DNAH9: variants seen among roughly 807,000 people sequenced by gnomAD.
The protein encoded by DNAH9 is DNAH9 variant protein.
DNAH9 carries 345 observed loss-of-function variants against 471.6 expected under a neutral mutation model. That is an observed-to-expected ratio of 0.73 (90% CI 0.67 to 0.80). The LOEUF (loss-of-function observed/expected upper bound fraction) is 0.80, where lower values mean the gene tolerates loss of function less well. Among genes scored for constraint, DNAH9 ranks in the 30% least tolerant of loss-of-function variants. The probability of loss-of-function intolerance (pLI) is 0.00; values close to 1 mark genes in which losing one functional copy is unlikely to be tolerated. For missense variants in DNAH9, 5,407 were observed against 5,609.2 expected (o/e 0.96, Z 1.15); for synonymous variants, 2,093 against 2,123.6 (o/e 0.99, Z 0.40).
Position 11,649,910 on chromosome 17 carries a change from T to C in DNAH9, c.2098-1159T>C, listed in dbSNP as rs189101282. On this transcript the variant is annotated intron_variant, in intron 12 of 68. Transcript: ENST00000262442. Reference sequence around the variant, plus strand: ...AATATGTGACAGATACTAAGAAATCTGCTCCAAAAATTTTGCCAGTTTAAA... The same window carrying C: ...AATATGTGACAGATACTAAGAAATCCGCTCCAAAAATTTTGCCAGTTTAAA... Among the ~76,000 whole-genome samples the C allele has an allele frequency of 1.8e-4, 28 of 152,330 alleles. No homozygotes were observed. The East Asian group carries it at 5.4e-3, about 29-fold the overall frequency.
At chr17:11,612,154 C>A in intron 4 of DNAH9, 1 of 513,080 alleles carries the variant, frequency 1.9e-6, no homozygotes, top group Non-Finnish European at 3.5e-6. Context: ...CTTTCAAACA[C>A]TGGGGCCAGG....
intron 43 of DNAH9, among the ~76,000 whole-genome samples, chr17:11,803,697 G>A (rs374860312): frequency 1.3e-5 from 2 of 152,178 alleles, no homozygotes; most frequent in Non-Finnish European, 2.9e-5. Flanking sequence ...CATCACAAAC[G>A]ATGCATTTCC....
intron 36 of DNAH9, among the ~76,000 whole-genome samples, chr17:11,766,552 A>G (rs1967943454): frequency 1.3e-5 from 2 of 152,212 alleles, no homozygotes; most frequent in South Asian, 2.1e-4. Flanking sequence ...GTATGCCAGT[A>G]AAGTCCTCAT....
At chr17:11,673,601 GTT>G (rs59481227) in intron 17 of DNAH9, among the ~76,000 whole-genome samples, 3,096 of 130,974 alleles carry the variant, frequency 0.024, 85 homozygotes, top group African/African-American at 0.073. Context: ...GTTTATATTT[GTT>G]TTTTTTTTTT....
chr17:11,878,109 A>C (rs761846530), intron 53 of DNAH9, among the ~76,000 whole-genome samples: 1 of 152,180 alleles, frequency 6.6e-6, no homozygotes, highest in African/African-American at 2.4e-5. Context: ...CTTTAATTAA[A>C]ATATTCTTTT....
At chr17:11,931,021 T>A (rs571053683) in intron 63 of DNAH9, among the ~76,000 whole-genome samples, 18 of 152,362 alleles carry the variant, frequency 1.2e-4, no homozygotes, top group African/African-American at 4.3e-4. Context: ...CAACTTTGTA[T>A]ATGAAGTTGT....
chr17:11,825,704 G>T (rs57217367), intron 48 of DNAH9, among the ~76,000 whole-genome samples: 78,450 of 152,064 alleles, frequency 0.52, 21,367 homozygotes, highest in Non-Finnish European at 0.6. Flanking sequence ...GAATTTGAAA[G>T]CAAGACCAAA....
chr17:11,909,266 G>A (rs944904838), intron 61 of DNAH9, among the ~76,000 whole-genome samples: 1 of 152,184 alleles, frequency 6.6e-6, no homozygotes, highest in East Asian at 1.9e-4. Context: ...GCTCACCTGG[G>A]AATATGCCTT....
Position 11,651,240 on chromosome 17 carries a change from G to C in DNAH9, c.2269G>C (p.Glu757Gln). The C allele has an allele frequency of 6.2e-7, 1 of 1,614,034 alleles. No homozygotes were observed. The highest frequency in any genetic ancestry group is 8.5e-7 in the Non-Finnish European group (1 of 1,179,974). ...NKVMKTLLEV[E>Q]FPLVEEELQN... ...GGTTATGAAAACTCTGCTGGAGGTG[G>C]AATTTCCATTAGTGGAGGAAGAGCT... The change falls in exon 13 of 69, where the codon GAA becomes CAA. Residue 757 changes from glutamate (E) to glutamine (Q), a missense_variant. Glu to Gln is a conservative substitution (Grantham distance 29). Coordinates refer to ENST00000262442, the MANE Select transcript of DNAH9 (RefSeq NM_001372.4).
intron 49 of DNAH9, among the ~76,000 whole-genome samples, chr17:11,846,866 CTT>C (rs1971242382): frequency 7.1e-6 from 1 of 141,194 alleles, no homozygotes; most frequent in African/African-American, 2.7e-5. Context: ...TATCCTGAGA[CTT>C]TGCTGAAGTT....
chr17:11,606,443 C>CTTTTTGTT (rs1404986645), intron 1 of DNAH9, among the ~76,000 whole-genome samples: 1 of 69,124 alleles, frequency 1.4e-5, no homozygotes. Context: ...CTTTTCTTTT[C>CTTTTTGTT]TTTTCTTTTC....
chr17:11,942,883 T>C (rs1017068256), intron 67 of DNAH9, among the ~76,000 whole-genome samples: 2 of 148,290 alleles, frequency 1.3e-5, no homozygotes, highest in Non-Finnish European at 3.0e-5. Flanking sequence ...CGATTTACAT[T>C]GGCTTGTTTT....
intron 6 of DNAH9, among the ~76,000 whole-genome samples, chr17:11,620,529 AG>A (rs1419556032): frequency 1.5e-4 from 22 of 151,480 alleles, no homozygotes; most frequent in African/African-American, 4.6e-4. Context: ...AAAAAAAAAA[AG>A]AAGTTTTAAT....
At chr17:11,768,850 A>C (rs1597619262) in intron 37 of DNAH9, among the ~76,000 whole-genome samples, 1 of 152,290 alleles carries the variant, frequency 6.6e-6, no homozygotes, top group South Asian at 2.1e-4. Context: ...CAGGGGCAGA[A>C]GATTTTAAAA....
At position 11,954,808 on chromosome 17, in the gene DNAH9, TAGAA is replaced by T. The variant is rs1005604450; in HGVS notation, c.12844-7049_12844-7046del. On this transcript the variant is annotated intron_variant, in intron 67 of 68. Transcript: ENST00000262442. Reference sequence around the variant, plus strand: ...AAAAAAGAGAGAGAAAGAAATTTCTTAGAAAGAAAGAAAATGATATATGGAAATT... The same window carrying T: ...AAAAAAGAGAGAGAAAGAAATTTCTTAGAAAGAAAATGATATATGGAAATT... Among the ~76,000 whole-genome samples the T allele has an allele frequency of 1.9e-4, 29 of 149,386 alleles. 1 individual carries two copies. The highest frequency in any genetic ancestry group is 3.4e-4 in the African/African-American group (14 of 40,790).
intron 6 of DNAH9, among the ~76,000 whole-genome samples, chr17:11,620,752 T>C (rs767172201): frequency 4.6e-5 from 7 of 152,110 alleles, no homozygotes; most frequent in Non-Finnish European, 7.3e-5. Flanking sequence ...GGCTGGGCTA[T>C]AACCATTCCC....
At chr17:11,699,964 G>A (rs2074562249) in intron 23 of DNAH9, 81 bp downstream of exon 23, 1 of 1,456,072 alleles carries the variant, frequency 6.9e-7, no homozygotes, top group African/African-American at 1.4e-5. Context: ...TCAACTCTAG[G>A]AGGGCCTTTC....
chr17:11,635,178 T>G (rs925017290), intron 8 of DNAH9, among the ~76,000 whole-genome samples: 1 of 151,998 alleles, frequency 6.6e-6, no homozygotes, highest in African/African-American at 2.4e-5. Flanking sequence ...TTTATTTATT[T>G]ATTTTTGAGA....
At chr17:11,786,263 T>C (rs529185820) in intron 41 of DNAH9, among the ~76,000 whole-genome samples, 5 of 152,092 alleles carry the variant, frequency 3.3e-5, no homozygotes, top group Non-Finnish European at 7.4e-5. Context: ...GACAACCCTT[T>C]GGGATAGACA....
Sources: gnomAD v4.1 joint callset for allele counts (sites outside exome capture counted in the v4.1 genomes callset) on GRCh38, gnomAD v4.1.1 for gene constraint, MANE v1.5 for transcripts, NCBI Gene and HGNC (gene_info 2026-07-23, HGNC 2026-07-21) for gene names.